The following ADAMTSL1 variants were observed in gnomAD, a reference collection of about 807,000 sequenced individuals.
The protein encoded by ADAMTSL1 is ADAMTS-like protein 1.
In ADAMTSL1, 126 loss-of-function variants were observed where a neutral mutation model predicts 201.8. The observed-to-expected ratio is 0.62, with a 90% CI of 0.54 to 0.72. The LOEUF (loss-of-function observed/expected upper bound fraction) is 0.72, where lower values mean the gene tolerates loss of function less well. Among genes scored for constraint, ADAMTSL1 ranks in the 30% least tolerant of loss-of-function variants. The pLI is 0.00. For missense variants in ADAMTSL1, 2,679 were observed against 2,277.8 expected (o/e 1.18, Z -3.59); for synonymous variants, 1,121 against 903.4 (o/e 1.24, Z -4.32).
intron 2 of ADAMTSL1, among the ~76,000 whole-genome samples, chr9:18,517,807 G>A (rs984978768): frequency 1.3e-5 from 2 of 152,064 alleles, no homozygotes; most frequent in African/African-American, 4.8e-5. Context: ...ATCATTGTTG[G>A]ACATTTGGGT....
intron 2 of ADAMTSL1, among the ~76,000 whole-genome samples, chr9:18,244,881 C>G (rs1215082382): frequency 1.3e-5 from 2 of 152,148 alleles, no homozygotes; most frequent in African/African-American, 4.8e-5. Flanking sequence ...TACATATACT[C>G]TATATCCTAC....
chr9:18,183,609 T>C (rs1563792547), intron 2 of ADAMTSL1, among the ~76,000 whole-genome samples: 1 of 152,086 alleles, frequency 6.6e-6, no homozygotes, highest in Non-Finnish European at 1.5e-5. Context: ...AATAAGCATA[T>C]AAAAATATGC....
At position 18,776,800 on chromosome 9, in the gene ADAMTSL1, G is replaced by A. The variant is rs755667984; in HGVS notation, c.2571G>A (p.Thr857=). ...ATCARPGRPS[T]KHSPHIAAAR... is the part of the protein sequence containing the mutation. The stretch of plus-strand genomic sequence containing the variant: ...TTCCAGGGCCCGGGCGGCCATCCAC[G>A]AAGCACAGCCCGCACATCGCGGCCG... Residue 857 remains threonine, a synonymous_variant, in exon 19 of 29, where the codon ACG becomes ACA. Coordinates refer to ENST00000380548, the MANE Select transcript of ADAMTSL1 (RefSeq NM_001040272.6). 1.9e-6 allele frequency: 3 copies of A among 1,556,374 alleles called. No homozygotes were observed. The highest frequency in any genetic ancestry group is 2.4e-5 in the East Asian group (1 of 41,350).
At chr9:18,101,021 G>T (rs1383538305) in intron 1 of ADAMTSL1, among the ~76,000 whole-genome samples, 1 of 152,126 alleles carries the variant, frequency 6.6e-6, no homozygotes, top group East Asian at 1.9e-4. Flanking sequence ...GGGATATGCT[G>T]TCACATACTT....
At chr9:18,522,695 T>G (rs36091514) in intron 2 of ADAMTSL1, among the ~76,000 whole-genome samples, 87,526 of 147,518 alleles carry the variant, frequency 0.59, 25,977 homozygotes, top group East Asian at 0.8. Context: ...GCGATGTTTG[T>G]TTTTTTTTTC....
intron 4 of ADAMTSL1, among the ~76,000 whole-genome samples, chr9:18,582,346 T>C (rs571109530): frequency 6.6e-6 from 1 of 152,328 alleles, no homozygotes; most frequent in African/African-American, 2.4e-5. Context: ...ATACTGTGTT[T>C]GGAAGTCTAC....
At chr9:18,032,958 T>C (rs982528667) in intron 1 of ADAMTSL1, among the ~76,000 whole-genome samples, 1 of 152,198 alleles carries the variant, frequency 6.6e-6, no homozygotes, top group African/African-American at 2.4e-5. Context: ...ACTTTAGCTG[T>C]TTTCTGTCAA....
intron 2 of ADAMTSL1, among the ~76,000 whole-genome samples, chr9:18,369,765 T>A (rs1392613082): frequency 1.3e-5 from 2 of 152,150 alleles, no homozygotes; most frequent in African/African-American, 4.8e-5. Context: ...CATCAATGGA[T>A]GCCTGGAAGA....
intron 2 of ADAMTSL1, among the ~76,000 whole-genome samples, chr9:18,463,954 C>A (rs1440955474): frequency 2.0e-5 from 3 of 152,186 alleles, no homozygotes; most frequent in African/African-American, 7.2e-5. Context: ...AAAATTCATA[C>A]ATTCAGCAAA....
At chr9:18,359,628 A>T (rs1039750225) in intron 2 of ADAMTSL1, among the ~76,000 whole-genome samples, 1 of 152,190 alleles carries the variant, frequency 6.6e-6, no homozygotes, top group Non-Finnish European at 1.5e-5. Context: ...TAAGGAAATG[A>T]CTGCTTTCTT....
intron 3 of ADAMTSL1, among the ~76,000 whole-genome samples, chr9:18,570,041 G>C (rs1822193979): frequency 6.6e-6 from 1 of 152,012 alleles, no homozygotes; most frequent in Admixed American, 6.6e-5. Flanking sequence ...TTTCAAAACA[G>C]TTAGGTTATC....
chr9:18,167,031 C>G (rs1188980213), intron 2 of ADAMTSL1, among the ~76,000 whole-genome samples: 1 of 151,878 alleles, frequency 6.6e-6, no homozygotes, highest in East Asian at 1.9e-4. Flanking sequence ...AGCCATTTGT[C>G]TAGAAGCCAC....
At chr9:18,649,700 G>T (rs568305525) in intron 7 of ADAMTSL1, among the ~76,000 whole-genome samples, 1 of 152,278 alleles carries the variant, frequency 6.6e-6, no homozygotes, top group African/African-American at 2.4e-5. Flanking sequence ...CTACAGAACT[G>T]CAGATTTTCA....
intron 2 of ADAMTSL1, among the ~76,000 whole-genome samples, chr9:18,424,481 C>CA (rs1392989300): frequency 6.6e-6 from 1 of 151,844 alleles, no homozygotes; most frequent in Non-Finnish European, 1.5e-5. Flanking sequence ...AATAAGTGCA[C>CA]AAAAAAAGTG....
intron 14 of ADAMTSL1, among the ~76,000 whole-genome samples, chr9:18,710,632 C>A (rs1587951804): frequency 1.3e-5 from 2 of 148,346 alleles, no homozygotes; most frequent in Admixed American, 1.3e-4. Context: ...CTTACTTTCC[C>A]CATTCCTTGC....
intron 1 of ADAMTSL1, among the ~76,000 whole-genome samples, chr9:18,129,084 A>G (rs369605681): frequency 4.6e-5 from 7 of 152,342 alleles, no homozygotes; most frequent in Non-Finnish European, 8.8e-5. Flanking sequence ...TAGCAATGGT[A>G]TAATCTGTTT....
intron 2 of ADAMTSL1, among the ~76,000 whole-genome samples, chr9:18,432,798 T>G (rs1819555303): frequency 6.6e-6 from 1 of 152,184 alleles, no homozygotes; most frequent in South Asian, 2.1e-4. Context: ...TATAAATTAT[T>G]TGTAGTACGA....
At chr9:18,178,097 C>T (rs1016384777) in intron 2 of ADAMTSL1, among the ~76,000 whole-genome samples, 1 of 152,208 alleles carries the variant, frequency 6.6e-6, no homozygotes, top group African/African-American at 2.4e-5. Context: ...GTGATTTCTG[C>T]ATTTCCATCT....
intron 23 of ADAMTSL1, among the ~76,000 whole-genome samples, chr9:18,866,672 G>A (rs532158985): frequency 6.6e-6 from 1 of 152,306 alleles, no homozygotes; most frequent in South Asian, 2.1e-4. Context: ...CATTGCCTCA[G>A]GAATGAGAGG....
Sources: gnomAD v4.1 joint callset for allele counts (sites outside exome capture counted in the v4.1 genomes callset) on GRCh38, gnomAD v4.1.1 for gene constraint, MANE v1.5 for transcripts, NCBI Gene and HGNC (gene_info 2026-07-23, HGNC 2026-07-21) for gene names.